TTC6: variants seen among roughly 807,000 people sequenced by gnomAD.
TTC6 encodes tetratricopeptide repeat protein 6.
Under a neutral mutation model 210.4 loss-of-function variants are expected in TTC6, and 172 were observed. That is an observed-to-expected ratio of 0.82 (90% CI 0.72 to 0.93). The LOEUF is 0.93. TTC6 is among the 40% of genes least tolerant of loss of function. The pLI, the probability that TTC6 is intolerant of heterozygous loss-of-function variation, is 0.00. For missense variants in TTC6, 2,414 were observed against 2,318.1 expected (o/e 1.04, Z -0.85); for synonymous variants, 804 against 819.6 (o/e 0.98, Z 0.32).
intron 1 of TTC6, among the ~76,000 whole-genome samples, chr14:37,596,407 G>T (rs2095604705): frequency 6.6e-6 from 1 of 152,272 alleles, no homozygotes; most frequent in Non-Finnish European, 1.5e-5. Flanking sequence ...GACCCGGAGG[G>T]TCCGGGCTGA....
chr14:37,736,598 A>G (rs906643320), intron 8 of TTC6, among the ~76,000 whole-genome samples: 2 of 152,162 alleles, frequency 1.3e-5, no homozygotes, highest in African/African-American at 4.8e-5. Context: ...CTAAATGGAG[A>G]AACTGTGGCC....
intron 26 of TTC6, among the ~76,000 whole-genome samples, chr14:37,818,681 T>C (rs1595309029): frequency 6.6e-6 from 1 of 152,242 alleles, no homozygotes; most frequent in African/African-American, 2.4e-5. Flanking sequence ...AGTAATACCA[T>C]AACTGGAACT....
intron 15 of TTC6, among the ~76,000 whole-genome samples, chr14:37,788,285 G>A (rs2096072405): frequency 6.6e-6 from 1 of 152,048 alleles, no homozygotes; most frequent in Non-Finnish European, 1.5e-5. Flanking sequence ...CAGAATGAAT[G>A]AGTCCATCCT....
At chr14:37,689,037 G>GT (rs1371090088) in intron 3 of TTC6, among the ~76,000 whole-genome samples, 1 of 152,032 alleles carries the variant, frequency 6.6e-6, no homozygotes, top group Non-Finnish European at 1.5e-5. Context: ...CAAAATACCT[G>GT]TTTTGAAGAA....
intron 2 of TTC6, 102 bp from the exon 5 acceptor site, chr14:37,682,656 G>A (rs1402287029): frequency 1.0e-5 from 10 of 984,684 alleles, no homozygotes; most frequent in East Asian, 2.6e-5. Context: ...TCAAGCATGC[G>A]TTTTCATATT....
At chr14:37,675,156 C>T (rs2095766302) in intron 1 of TTC6, among the ~76,000 whole-genome samples, 1 of 152,036 alleles carries the variant, frequency 6.6e-6, no homozygotes, top group Admixed American at 6.6e-5. Flanking sequence ...GCAGCCATCA[C>T]CTTCATTTAG....
intron 17 of TTC6, 98 bp from the exon 20 acceptor site, chr14:37,795,172 C>A: frequency 1.4e-6 from 1 of 698,176 alleles, no homozygotes; most frequent in African/African-American, 1.8e-5. Flanking sequence ...TAGGAGATGT[C>A]CCTGCAAAAT....
intron 20 of TTC6, among the ~76,000 whole-genome samples, chr14:37,801,004 G>A (rs189443191): frequency 6.6e-5 from 10 of 152,258 alleles, no homozygotes; most frequent in East Asian, 3.9e-4. Flanking sequence ...TGCCATAAAT[G>A]TTTTGAAACC....
chr14:37,721,853 T>TATATATATATATATA (rs1257987872), intron 6 of TTC6, among the ~76,000 whole-genome samples: 2 of 128,336 alleles, frequency 1.6e-5, no homozygotes, highest in Non-Finnish European at 3.2e-5. Flanking sequence ...TCACCATATA[T>TATATATATATATATA]ATATATATAT....
At chr14:37,678,444 A>T (rs1281302774) in intron 1 of TTC6, among the ~76,000 whole-genome samples, 1 of 152,154 alleles carries the variant, frequency 6.6e-6, no homozygotes, top group Non-Finnish European at 1.5e-5. Flanking sequence ...TTGCATGGGC[A>T]GACTTTCAGC....
chr14:37,808,493 AG>A (rs2096123186), intron 23 of TTC6, among the ~76,000 whole-genome samples: 1 of 152,166 alleles, frequency 6.6e-6, no homozygotes, highest in Admixed American at 6.5e-5. Flanking sequence ...CCTAAATTAA[AG>A]TTGTTGATAT....
intron 5 of TTC6, among the ~76,000 whole-genome samples, chr14:37,712,724 C>T (rs117658783): frequency 0.012 from 1,896 of 152,200 alleles, 13 homozygotes; most frequent in Non-Finnish European, 0.019. Context: ...ACTCACATCA[C>T]GAGAACAGCA....
chr14:37,783,477 T>A (rs1352410016), intron 14 of TTC6, among the ~76,000 whole-genome samples: 1 of 152,194 alleles, frequency 6.6e-6, no homozygotes, highest in Non-Finnish European at 1.5e-5. Context: ...GGTGGTGATA[T>A]CCCCTTTATT....
chr14:37,639,885 T>TA (rs571405717), intron 1 of TTC6, among the ~76,000 whole-genome samples: 356 of 128,830 alleles, frequency 2.8e-3, no homozygotes, highest in Middle Eastern at 8.2e-3. Context: ...GACCCTGTCT[T>TA]AAAAAAAAAA....
Position 37,795,310 on chromosome 14 carries a change from C to G in TTC6, c.3749C>G (p.Ala1250Gly), listed in dbSNP as rs567350419. 218 of 1,532,242 alleles carry G rather than the reference C, an allele frequency of 1.4e-4. No homozygotes were observed. The Middle Eastern group carries it at 2.5e-3, about 18-fold the overall frequency. 94.9% of individuals were successfully genotyped at this position (1,532,242 alleles called of 1,614,324 possible). A position where few individuals can be genotyped will look rare whatever the true frequency, so the allele number is the denominator to read the frequency against. The change falls in exon 18 of 31, where the codon GCT becomes GGT. Residue 1250 changes from alanine (A) to glycine (G), a missense_variant. Coordinates refer to ENST00000553443, the Ensembl canonical transcript of TTC6. ...AAGGCAGTAAATGAATTGTCTCGTG[C>G]TATCCACCTTCAGCCAGATGGAATC...
chr14:37,609,022 A>G (rs961646594), intron 2 of TTC6, among the ~76,000 whole-genome samples: 3 of 152,216 alleles, frequency 2.0e-5, no homozygotes, highest in Non-Finnish European at 4.4e-5. Flanking sequence ...TAACATTTCC[A>G]TATGAAGGCA....
intron 22 of TTC6, 97 bp downstream of exon 24, chr14:37,806,607 G>C (rs1595293818): frequency 8.5e-7 from 1 of 1,178,814 alleles, no homozygotes; most frequent in East Asian, 2.6e-5. Flanking sequence ...CCAACAATCA[G>C]TTTCTTATAC....
At chr14:37,786,085 G>A (rs919186345) in intron 14 of TTC6, among the ~76,000 whole-genome samples, 2 of 152,208 alleles carry the variant, frequency 1.3e-5, no homozygotes, top group Non-Finnish European at 2.9e-5. Flanking sequence ...GGAGTCACTT[G>A]AGGTGGCAGT....
intron 5 of TTC6, among the ~76,000 whole-genome samples, chr14:37,707,843 T>A (rs953178073): frequency 6.6e-6 from 1 of 152,118 alleles, no homozygotes; most frequent in Non-Finnish European, 1.5e-5. Flanking sequence ...CATTTTTGAC[T>A]GTTTATCTTG....
Sources: allele counts gnomAD v4.1 joint callset (sites outside exome capture counted in the v4.1 genomes callset), GRCh38; gene constraint gnomAD v4.1.1; transcripts MANE v1.5; gene names NCBI Gene and HGNC (gene_info 2026-07-23, HGNC 2026-07-21).